Variants in SLC24A3 observed in about 807,000 individuals in gnomAD.
SLC24A3 encodes the protein sodium/potassium/calcium exchanger 3.
A neutral mutation model predicts 75.8 loss-of-function variants in SLC24A3; 28 were observed. The ratio of observed to expected loss-of-function variants is 0.37; its 90% CI spans 0.27 to 0.51. SLC24A3 has a LOEUF of 0.51. Among genes scored for constraint, SLC24A3 ranks in the 20% least tolerant of loss-of-function variants. The pLI is 0.94. For missense variants in SLC24A3, 663 were observed against 847.8 expected, an observed-to-expected ratio of 0.78 and a Z score of 2.71; for synonymous variants, 372 against 334.1, an observed-to-expected ratio of 1.11 and a Z score of -1.24.
At chr20:19,238,760 T>C (rs1399084508) in intron 1 of SLC24A3, among the ~76,000 whole-genome samples, 2 of 151,360 alleles carry the variant, frequency 1.3e-5, no homozygotes, top group Non-Finnish European at 2.9e-5. Context: ...CTCTGCAGCA[T>C]GCAAAGGGGA....
intron 1 of SLC24A3, among the ~76,000 whole-genome samples, chr20:19,273,563 G>C (rs1452129833): frequency 6.6e-6 from 1 of 152,186 alleles, no homozygotes; most frequent in African/African-American, 2.4e-5. Flanking sequence ...CCTGCCAGGA[G>C]GGCTGCCCCT....
At chr20:19,420,248 T>C (rs1986895344) in intron 2 of SLC24A3, among the ~76,000 whole-genome samples, 1 of 41,768 alleles carries the variant, frequency 2.4e-5, no homozygotes, top group African/African-American at 1.2e-4. Flanking sequence ...TTTGGGTTGG[T>C]TCCAAGTCTT....
At chr20:19,641,426 G>T (rs1027794142) in intron 6 of SLC24A3, among the ~76,000 whole-genome samples, 15 of 152,152 alleles carry the variant, frequency 9.9e-5, no homozygotes, top group African/African-American at 3.6e-4. Flanking sequence ...ATATAAAAGG[G>T]ATATTAAAAC....
chr20:19,445,515 C>T (rs6132204), intron 2 of SLC24A3, among the ~76,000 whole-genome samples: 7,000 of 152,092 alleles, frequency 0.046, 457 homozygotes, highest in East Asian at 0.33. Context: ...GAATGTAAGA[C>T]GAGGAAGGGA....
rs1166852580 is a variant in SLC24A3 at position 19,286,036 on chromosome 20, G to A, written c.271+4949G>A. On this transcript the variant is annotated intron_variant, in intron 2 of 16. Transcript: ENST00000328041. ...AAGAAGGAAAATATTTAAAATGATG[G>A]CCTTTGGTGTGGGCTTCACTGTGAG... is the stretch of plus-strand genomic sequence containing the variant. 4.6e-5 allele frequency among the ~76,000 whole-genome samples: 7 copies of A among 152,158 alleles called. No individual in the cohort carries two copies. The East Asian group carries it at 1.4e-3, about 29-fold the overall frequency.
intron 2 of SLC24A3, among the ~76,000 whole-genome samples, chr20:19,488,158 C>T (rs1472811049): frequency 6.6e-6 from 1 of 152,208 alleles, no homozygotes; most frequent in African/African-American, 2.4e-5. Context: ...GTTACTGACT[C>T]TGGCATTTTC....
At chr20:19,548,428 A>T (rs2030638186) in intron 3 of SLC24A3, among the ~76,000 whole-genome samples, 2 of 152,234 alleles carry the variant, frequency 1.3e-5, no homozygotes, top group South Asian at 4.1e-4. Context: ...AGGTCTGTGC[A>T]CTAGTATGGT....
intron 7 of SLC24A3, among the ~76,000 whole-genome samples, chr20:19,659,112 T>C (rs972723814): frequency 7.9e-5 from 12 of 152,300 alleles, no homozygotes; most frequent in Non-Finnish European, 1.3e-4. Flanking sequence ...GGGAAGCAGA[T>C]AGGCCTATGG....
At chr20:19,656,837 C>T (rs2032272854) in intron 7 of SLC24A3, among the ~76,000 whole-genome samples, 5 of 152,218 alleles carry the variant, frequency 3.3e-5, no homozygotes, top group Admixed American at 3.3e-4. Flanking sequence ...TAGACACTAA[C>T]TGGACTATGT....
intron 1 of SLC24A3, among the ~76,000 whole-genome samples, chr20:19,254,421 C>T (rs1982750441): frequency 6.6e-6 from 1 of 152,124 alleles, no homozygotes; most frequent in African/African-American, 2.4e-5. Flanking sequence ...ATTTCAGGCA[C>T]AGATTTCTGA....
intron 2 of SLC24A3, among the ~76,000 whole-genome samples, chr20:19,355,906 A>G (rs1271657829): frequency 6.6e-6 from 1 of 152,202 alleles, no homozygotes; most frequent in African/African-American, 2.4e-5. Context: ...GCCTACATTC[A>G]TATTAGAAGG....
intron 2 of SLC24A3, among the ~76,000 whole-genome samples, chr20:19,292,955 A>G (rs1168966482): frequency 6.6e-6 from 1 of 152,128 alleles, no homozygotes; most frequent in Non-Finnish European, 1.5e-5. Flanking sequence ...TTATAGATTT[A>G]GTAATCCTAT....
At chr20:19,678,297 C>T (rs2032553627) in intron 9 of SLC24A3, among the ~76,000 whole-genome samples, 2 of 138,176 alleles carry the variant, frequency 1.4e-5, no homozygotes, top group Admixed American at 1.4e-4. Context: ...GGCAGAGGCA[C>T]CCCTCACCTC....
chr20:19,327,068 A>G (rs1478397335), intron 2 of SLC24A3, among the ~76,000 whole-genome samples: 2 of 152,216 alleles, frequency 1.3e-5, no homozygotes, highest in Non-Finnish European at 2.9e-5. Context: ...TTTAATTTAA[A>G]AAAACGTACT....
chr20:19,412,019 A>G (rs894977513), intron 2 of SLC24A3, among the ~76,000 whole-genome samples: 1 of 152,184 alleles, frequency 6.6e-6, no homozygotes, highest in East Asian at 1.9e-4. Flanking sequence ...ACACGGGGTC[A>G]GGGTCACGGC....
At chr20:19,330,109 C>T (rs1258371190) in intron 2 of SLC24A3, among the ~76,000 whole-genome samples, 3 of 152,212 alleles carry the variant, frequency 2.0e-5, no homozygotes, top group Admixed American at 6.5e-5. Flanking sequence ...ATGACACACT[C>T]GTCTTCTGAA....
At chr20:19,671,461 C>T (rs2032465937) in intron 8 of SLC24A3, among the ~76,000 whole-genome samples, 2 of 152,084 alleles carry the variant, frequency 1.3e-5, no homozygotes, top group Non-Finnish European at 2.9e-5. Context: ...TGAAAAATGA[C>T]CTAGGGAGGG....
chr20:19,423,963 T>G (rs990899180), intron 2 of SLC24A3, among the ~76,000 whole-genome samples: 50 of 152,088 alleles, frequency 3.3e-4, no homozygotes, highest in Non-Finnish European at 1.5e-4. Context: ...GAGTCTTGTC[T>G]GAGATACGTT....
At position 19,580,066 on chromosome 20, in the gene SLC24A3, ATCTGTGAGGTACGTGCCTCACAT is replaced by A; in HGVS notation, c.419_423+18del. 2 of 1,613,662 alleles carry A rather than the reference ATCTGTGAGGTACGTGCCTCACAT, an allele frequency of 1.2e-6. No individual in the cohort carries two copies. The highest frequency in any genetic ancestry group is 1.7e-6 in the Non-Finnish European group (2 of 1,179,608). ...CTTCTTCGTCCCTTCCTTGGAAAAG[ATCTGTGAGGTACGTGCCTCACAT>A]TCTTGGTATGTGTGAGCCAGACTGG... On this transcript the variant is annotated splice_donor_variant and splice_donor_5th_base_variant and coding_sequence_variant and intron_variant, in exon 4 of 17. Coordinates refer to ENST00000328041, the MANE Select transcript of SLC24A3 (RefSeq NM_020689.4). LOFTEE classifies it high-confidence loss of function.
Sources: gnomAD v4.1 joint callset for allele counts (sites outside exome capture counted in the v4.1 genomes callset) on GRCh38, gnomAD v4.1.1 for gene constraint, MANE v1.5 for transcripts, NCBI Gene and HGNC (gene_info 2026-07-23, HGNC 2026-07-21) for gene names.